CEP152: variants seen among roughly 807,000 people sequenced by gnomAD.
CEP152 encodes the protein centrosomal protein of 152 kDa.
A neutral mutation model predicts 188.9 loss-of-function variants in CEP152; 132 were observed. That is an observed-to-expected ratio of 0.70 (90% CI 0.61 to 0.81). The LOEUF (loss-of-function observed/expected upper bound fraction) is 0.81, where lower values mean the gene tolerates loss of function less well. CEP152 is among the 30% of genes least tolerant of loss of function. The pLI is 0.00. For synonymous variants in CEP152, 649 were observed against 666.6 expected, an observed-to-expected ratio of 0.97 and a Z score of 0.41; for missense variants, 1,914 against 1,969.8, an observed-to-expected ratio of 0.97 and a Z score of 0.54.
intron 8 of CEP152, among the ~76,000 whole-genome samples, chr15:48,789,527 G>A (rs1363453319): frequency 1.3e-5 from 2 of 152,304 alleles, no homozygotes; most frequent in Non-Finnish European, 2.9e-5. Context: ...CCCAAAACCT[G>A]TGAATCAGTT....
At chr15:48,752,509 T>C in intron 20 of CEP152, 40 bp from the exon 21 acceptor site, 1 of 1,605,268 alleles carries the variant, frequency 6.2e-7, no homozygotes, top group South Asian at 1.1e-5. Flanking sequence ...TTAGTAAAAA[T>C]CTTTATACAA....
rs965035067 is a variant in CEP152 at position 48,798,046 on chromosome 15, C to T, written c.93G>A (p.Gln31=). 1 of 1,613,326 alleles carries T rather than the reference C, an allele frequency of 6.2e-7. No individual in the cohort carries two copies. The highest frequency in any genetic ancestry group is 1.1e-5 in the South Asian group (1 of 91,028). The part of the protein sequence containing the change: ...EEDYEREKEL[Q]QLLTDLPHDM... ...CATGGGGAAGGTCTGTGAGTAACTGCTGCAACTGAGTCAAAAGGTCTGCAT... is the reference window on the plus strand; with the variant it reads ...CATGGGGAAGGTCTGTGAGTAACTGTTGCAACTGAGTCAAAAGGTCTGCAT... The change falls in exon 3 of 27, where the codon CAG becomes CAA. Residue 31 remains glutamine, a synonymous_variant. Transcript: ENST00000380950.
intron 26 of CEP152, 146 bp downstream of exon 26, chr15:48,741,455 G>A (rs1388169675): frequency 6.6e-7 from 1 of 1,517,284 alleles, no homozygotes; most frequent in African/African-American, 1.4e-5. Flanking sequence ...TACTCTTTTT[G>A]CGTAAACTTC....
chr15:48,777,145 T>C (rs968339981), intron 12 of CEP152, among the ~76,000 whole-genome samples: 10 of 152,064 alleles, frequency 6.6e-5, no homozygotes, highest in Non-Finnish European at 1.5e-4. Context: ...GGTAGCCTGG[T>C]TGGGATCCCA....
At chr15:48,749,187 G>A (rs1893694379) in intron 21 of CEP152, among the ~76,000 whole-genome samples, 1 of 152,118 alleles carries the variant, frequency 6.6e-6, no homozygotes, top group Non-Finnish European at 1.5e-5. Flanking sequence ...AGGTAGGTAA[G>A]TGGGTTGGTA....
At chr15:48,753,392 A>G (rs1894019079) in intron 20 of CEP152, among the ~76,000 whole-genome samples, 1 of 152,246 alleles carries the variant, frequency 6.6e-6, no homozygotes, top group African/African-American at 2.4e-5. Flanking sequence ...AAGGAACAGA[A>G]TAGGTGGTAT....
intron 2 of CEP152, among the ~76,000 whole-genome samples, chr15:48,800,385 A>C (rs1313498370): frequency 6.6e-6 from 1 of 152,194 alleles, no homozygotes; most frequent in Admixed American, 6.5e-5. Flanking sequence ...CCTCCTAAAT[A>C]AGGCCATTCA....
chr15:48,740,652 G>A (rs1191027393), intron 26 of CEP152: 2 of 130,584 alleles, frequency 1.5e-5, no homozygotes, highest in Non-Finnish European at 3.2e-5. Context: ...TTGAGACAGG[G>A]TCTGCTCTGT....
At chr15:48,749,217 C>T (rs370638632) in intron 21 of CEP152, among the ~76,000 whole-genome samples, 9 of 151,908 alleles carry the variant, frequency 5.9e-5, no homozygotes, top group African/African-American at 1.9e-4. Flanking sequence ...GTAGATGGAT[C>T]GATGGACAGA....
intron 13 of CEP152, 149 bp from the exon 14 acceptor site, chr15:48,769,230 A>G: frequency 3.1e-6 from 2 of 635,558 alleles, no homozygotes; most frequent in Non-Finnish European, 5.4e-6. Flanking sequence ...CTACAGCACA[A>G]TCATCAAAAC....
intron 12 of CEP152, among the ~76,000 whole-genome samples, chr15:48,777,497 T>C (rs1188719173): frequency 1.3e-5 from 2 of 148,588 alleles, no homozygotes; most frequent in Non-Finnish European, 3.0e-5. Context: ...TGTGTGTGTG[T>C]CTGTGTGTAT....
intron 7 of CEP152, 30 bp from the exon 8 acceptor site, chr15:48,791,406 A>C (rs1400598847): frequency 4.4e-6 from 7 of 1,598,412 alleles, no homozygotes; most frequent in South Asian, 1.1e-5. Flanking sequence ...TATATAAATA[A>C]TGTTCCTGTA....
chr15:48,788,666 T>C, intron 9 of CEP152, 135 bp downstream of exon 9: 1 of 919,384 alleles, frequency 1.1e-6, no homozygotes, highest in Non-Finnish European at 1.8e-6. Flanking sequence ...CTTTTAAGTT[T>C]CACTCACCTC....
chr15:48,801,522 C>T (rs976473158), intron 2 of CEP152, among the ~76,000 whole-genome samples: 3 of 152,084 alleles, frequency 2.0e-5, no homozygotes, highest in Non-Finnish European at 4.4e-5. Flanking sequence ...CTAAATGACC[C>T]GTCAACACTA....
At chr15:48,747,759 G>A (rs1183159976) in intron 22 of CEP152, among the ~76,000 whole-genome samples, 1 of 152,190 alleles carries the variant, frequency 6.6e-6, no homozygotes, top group Non-Finnish European at 1.5e-5. Context: ...ATAGTGAAAG[G>A]TAAGAAGAGG....
chr15:48,803,503 G>A (rs1294121590), intron 2 of CEP152, among the ~76,000 whole-genome samples: 1 of 152,118 alleles, frequency 6.6e-6, no homozygotes, highest in Non-Finnish European at 1.5e-5. Context: ...ATTTTTTAAA[G>A]TAAAAATATT....
chr15:48,734,300 C>T (rs182527040), downstream of CEP152, among the ~76,000 whole-genome samples: 1 of 150,576 alleles, frequency 6.6e-6, no homozygotes, highest in East Asian at 1.9e-4. Flanking sequence ...GGCAAAGTTG[C>T]TATATTGTAC....
At chr15:48,806,837 A>G (rs1207751888) in intron 1 of CEP152, among the ~76,000 whole-genome samples, 2 of 152,232 alleles carry the variant, frequency 1.3e-5, no homozygotes, top group African/African-American at 4.8e-5. Context: ...GTAGCCAATC[A>G]AATTATGACA....
intron 12 of CEP152, among the ~76,000 whole-genome samples, chr15:48,780,228 C>T (rs959312940): frequency 2.6e-5 from 4 of 152,170 alleles, no homozygotes; most frequent in Non-Finnish European, 4.4e-5. Context: ...GATAGCAGTG[C>T]TGTGATTTGT....
Sources: allele counts gnomAD v4.1 joint callset (sites outside exome capture counted in the v4.1 genomes callset), GRCh38; gene constraint gnomAD v4.1.1; transcripts MANE v1.5; gene names NCBI Gene and HGNC (gene_info 2026-07-23, HGNC 2026-07-21).